CFAP251: variants seen among roughly 807,000 people sequenced by gnomAD.
CFAP251 encodes the protein cilia and flagella associated protein 251, also known as cilia- and flagella-associated protein 251.
Under a neutral mutation model 126.7 loss-of-function variants are expected in CFAP251, and 93 were observed. That is an observed-to-expected ratio of 0.73 (90% CI 0.62 to 0.87). The LOEUF is 0.87. Ranked by LOEUF, CFAP251 falls within the 40% of genes least tolerant of loss-of-function variation. The probability of loss-of-function intolerance (pLI) is 0.00; values close to 1 mark genes in which losing one functional copy is unlikely to be tolerated. For missense variants in CFAP251, 1,287 were observed against 1,389.2 expected, an observed-to-expected ratio of 0.93 and a Z score of 1.17; for synonymous variants, 503 against 506.9, an observed-to-expected ratio of 0.99 and a Z score of 0.10.
rs755941700 is a variant in CFAP251, at chr12:122,001,603, C to T, written c.3337+5C>T. On this transcript the variant is annotated splice_donor_5th_base_variant and intron_variant, in intron 21 of 21. Coordinates refer to ENST00000288912, the MANE Select transcript of CFAP251 (RefSeq NM_144668.6). The stretch of plus-strand genomic sequence containing the variant: ...CTGCAACCTGCTCCGTCAAAGGTAC[C>T]CCAGCTGGCTTTGTCTGGGCATGTA... The T allele has an allele frequency of 1.2e-6, 2 of 1,613,188 alleles. No individual in the cohort carries two copies. The highest frequency in any genetic ancestry group is 2.7e-5 in the African/African-American group (2 of 74,994).
In CFAP251 at chr12:121,974,580, C is replaced by T. The variant is rs558889814; in HGVS notation, c.2772-664C>T. ...GGTCTACATGAGGTGTGCTTGATGT[C>T]GCAGCAAAAAGGCTAATCACCCGAT... On this transcript the variant is annotated intron_variant, in intron 17 of 21. Coordinates refer to ENST00000288912, the MANE Select transcript of CFAP251 (RefSeq NM_144668.6). The surrounding 1 kb of genome is among the most constrained non-coding windows in gnomAD (Gnocchi z 4.6). 1.3e-5 allele frequency among the ~76,000 whole-genome samples: 2 copies of T among 152,136 alleles called. No homozygotes were observed. Among genetic ancestry groups the T allele is most frequent in the South Asian group, 4.2e-4 (2 of 4,816 alleles).
At chr12:122,002,294 G>A (rs1365217289) in intron 21 of CFAP251, among the ~76,000 whole-genome samples, 1 of 152,142 alleles carries the variant, frequency 6.6e-6, no homozygotes, top group Non-Finnish European at 1.5e-5. Context: ...GGTGGAGGTT[G>A]CAGTGAGCCG....
chr12:121,986,810 T>A (rs1882760460), intron 19 of CFAP251, among the ~76,000 whole-genome samples: 1 of 150,082 alleles, frequency 6.7e-6, no homozygotes, highest in Admixed American at 6.6e-5. Context: ...GTTCTATAAA[T>A]AAAAGGCCGT....
At chr12:121,988,836 A>G (rs1338827346) in intron 19 of CFAP251, among the ~76,000 whole-genome samples, 1 of 151,006 alleles carries the variant, frequency 6.6e-6, no homozygotes, top group East Asian at 1.9e-4. Flanking sequence ...CCCAAGTTCA[A>G]GTGATTCTCC....
At chr12:122,001,786 C>A in intron 21 of CFAP251, 188 bp downstream of exon 21, 1 of 607,618 alleles carries the variant, frequency 1.6e-6, no homozygotes. Context: ...TTTGTTCCCG[C>A]GCTCTGTCCG....
intron 4 of CFAP251, chr12:121,932,651 G>A (rs1340097231): frequency 6.6e-6 from 1 of 152,258 alleles, no homozygotes; most frequent in Non-Finnish European, 1.5e-5. Context: ...GTTGACGTGT[G>A]TTGTTACAGG....
rs377664219 is a variant in CFAP251, at chr12:121,942,515, C to A, written c.999-19C>A. On this transcript the variant is annotated intron_variant, in intron 5 of 21. Coordinates refer to ENST00000288912, the MANE Select transcript of CFAP251 (RefSeq NM_144668.6). ...AGGGAGACCTCAGCAAGTGTCGCCC[C>A]CCTTGTCCTGTTTTGCAGTATTCCT... 12 of 1,595,580 alleles carry A rather than the reference C, an allele frequency of 7.5e-6. No individual in the cohort carries two copies. The highest frequency in any genetic ancestry group is 1.7e-5 in the Admixed American group (1 of 59,568).
intron 9 of CFAP251, 88 bp downstream of exon 9, chr12:121,951,618 G>A: frequency 1.0e-6 from 1 of 987,732 alleles, no homozygotes; most frequent in Non-Finnish European, 1.5e-6. Flanking sequence ...GCTACTCTTT[G>A]TACATCTTGA....
chr12:121,958,649 C>T, intron 12 of CFAP251, 127 bp downstream of exon 12: 2 of 1,440,606 alleles, frequency 1.4e-6, no homozygotes, highest in South Asian at 2.7e-5. Flanking sequence ...GGATGAGGCG[C>T]CTTCTCTCTG....
intron 10 of CFAP251, among the ~76,000 whole-genome samples, chr12:121,956,323 T>A (rs1425968107): frequency 6.6e-6 from 1 of 152,158 alleles, no homozygotes; most frequent in Non-Finnish European, 1.5e-5. Flanking sequence ...CCACCTCCAT[T>A]GCGTATGGCT....
chr12:121,984,482 A>G (rs1394592585), intron 19 of CFAP251, among the ~76,000 whole-genome samples: 1 of 151,752 alleles, frequency 6.6e-6, no homozygotes, highest in Non-Finnish European at 1.5e-5. Context: ...AATTTTTTGT[A>G]TTTTCAGTAG....
intron 5 of CFAP251, among the ~76,000 whole-genome samples, chr12:121,938,388 C>T (rs1322820535): frequency 6.6e-6 from 1 of 152,030 alleles, no homozygotes; most frequent in Admixed American, 6.5e-5. Flanking sequence ...GTGGCACAAT[C>T]TCAGCTCACT....
intron 19 of CFAP251, among the ~76,000 whole-genome samples, chr12:121,992,973 C>T (rs1882911106): frequency 1.4e-5 from 2 of 145,972 alleles, no homozygotes; most frequent in South Asian, 4.4e-4. Context: ...CACTCCCTCT[C>T]CCTCTCCGTC....
intron 9 of CFAP251, chr12:121,952,588 T>C (rs1881572486): frequency 6.6e-6 from 1 of 152,180 alleles, no homozygotes; most frequent in Non-Finnish European, 1.5e-5. Flanking sequence ...TTATCTTGCC[T>C]GCTTGCCGCA....
chr12:121,924,138 C>T, intron 3 of CFAP251, 148 bp downstream of exon 3: 3 of 1,096,106 alleles, frequency 2.7e-6, no homozygotes, highest in South Asian at 1.8e-5. Flanking sequence ...TTAAGACAGT[C>T]TTGCTTTGTC....
rs1880032381 is a variant in CFAP251 at position 121,918,909 on chromosome 12, C to T, written c.-21+214C>T. Among the ~76,000 whole-genome samples the T allele has an allele frequency of 6.6e-6, 1 of 152,138 alleles. No individual in the cohort carries two copies. Among genetic ancestry groups the T allele is most frequent in the Non-Finnish European group, 1.5e-5 (1 of 68,012 alleles). On this transcript the variant is annotated intron_variant, in intron 1 of 21. Transcript: ENST00000288912. This position sits in a 1 kb window ranked among gnomAD's most constrained non-coding sequence, Gnocchi z 4.3. ...ACGCACCTGGCACCCCTGCCCCAAA[C>T]CCCTGCGGCTCGAACCCGGCTGTCC... is the stretch of plus-strand genomic sequence containing the variant.
intron 19 of CFAP251, among the ~76,000 whole-genome samples, chr12:121,976,028 A>G (rs1200709008): frequency 3.2e-4 from 42 of 131,758 alleles, no homozygotes; most frequent in Middle Eastern, 4.0e-3. Context: ...TTTTTTTTTG[A>G]GGTGGAGTCT....
Position 121,975,646 on chromosome 12 carries a change from T to C in CFAP251, c.2967T>C (p.Phe989=). ...SEHICLSELP[F]VMRAIGFYPS... ...ACATTTGCCTGTCAGAGCTTCCTTT[T>C]GTCATGAGAGCAATTGGCTTTTACC... Residue 989 remains phenylalanine, a synonymous_variant, in exon 19 of 22, where the codon TTT becomes TTC. Coordinates refer to ENST00000288912, the MANE Select transcript of CFAP251 (RefSeq NM_144668.6). 6.3e-7 allele frequency: 1 copy of C among 1,597,058 alleles called. No homozygotes were observed. Among genetic ancestry groups the C allele is most frequent in the East Asian group, 2.2e-5 (1 of 44,738 alleles).
rs1882755395 is a variant in CFAP251 at position 121,986,631 on chromosome 12, G to A, written c.3006+10946G>A. ...TTTTTTTTTAATTGCTGGATGTAGT[G>A]GCTCACGCCTGAAGTCCCAGCTACT... On this transcript the variant is annotated intron_variant, in intron 19 of 21. Transcript: ENST00000288912. Among the ~76,000 whole-genome samples, 9 of 150,134 alleles carry A rather than the reference G, an allele frequency of 6.0e-5. No homozygotes were observed. In the South Asian group the frequency reaches 1.9e-3, roughly 32 times the overall value.
Sources: gnomAD v4.1 joint callset for allele counts (sites outside exome capture counted in the v4.1 genomes callset) on GRCh38, gnomAD v4.1.1 for gene constraint, Gnocchi (gnomAD v3.1) non-coding constraint, MANE v1.5 for transcripts, NCBI Gene and HGNC (gene_info 2026-07-23, HGNC 2026-07-21) for gene names.